CACHD1: variants seen among roughly 807,000 people sequenced by gnomAD.
CACHD1 encodes the protein cache domain containing 1, also known as VWFA and cache domain-containing protein 1.
In CACHD1, 71 loss-of-function variants were observed where a neutral mutation model predicts 138.7. The ratio of observed to expected loss-of-function variants is 0.51; its 90% confidence interval spans 0.42 to 0.62. CACHD1 has a LOEUF of 0.62. Ranked by LOEUF, CACHD1 falls within the 20% of genes least tolerant of loss-of-function variation. CACHD1 has a pLI of 0.00. For synonymous variants in CACHD1, 578 were observed against 591.5 expected, an observed-to-expected ratio of 0.98 and a Z score of 0.33; for missense variants, 1,389 against 1,625.3, an observed-to-expected ratio of 0.85 and a Z score of 2.50.
chr1:64,672,094 C>A (rs887851160), intron 17 of CACHD1, among the ~76,000 whole-genome samples: 9 of 152,136 alleles, frequency 5.9e-5, no homozygotes, highest in Non-Finnish European at 1.3e-4. Flanking sequence ...TTTTACATTT[C>A]CCCAGAAAGA....
chr1:64,590,767 T>A (rs761180326), intron 3 of CACHD1, among the ~76,000 whole-genome samples: 1 of 152,188 alleles, frequency 6.6e-6, no homozygotes, highest in Non-Finnish European at 1.5e-5. Context: ...TTTATTTTAT[T>A]TGCAGCTACT....
At chr1:64,604,580 C>G (rs775660308) in intron 4 of CACHD1, among the ~76,000 whole-genome samples, 29 of 152,234 alleles carry the variant, frequency 1.9e-4, no homozygotes, top group Non-Finnish European at 3.8e-4. Flanking sequence ...CAGATGTAAG[C>G]GTTCCAAAAA....
At position 64,673,140 on chromosome 1, in the gene CACHD1, T is replaced by C. The variant is rs372239071; in HGVS notation, c.2511-18T>C. On this transcript the variant is annotated intron_variant, in intron 17 of 26. Transcript: ENST00000651257. Reference sequence around the variant, plus strand: ...AAACAGCTGATATGAATGAGGGGCATAACTTGTTTTGGTACAGGTGCTTCA... The same window carrying C: ...AAACAGCTGATATGAATGAGGGGCACAACTTGTTTTGGTACAGGTGCTTCA... The C allele has an allele frequency of 3.8e-6, 6 of 1,564,510 alleles. No individual in the cohort carries two copies. Among genetic ancestry groups the C allele is most frequent in the Non-Finnish European group, 5.3e-6 (6 of 1,139,640 alleles).
chr1:64,653,708 C>T, intron 10 of CACHD1, 50 bp from the exon 11 acceptor site: 1 of 1,589,304 alleles, frequency 6.3e-7, no homozygotes, highest in Non-Finnish European at 8.6e-7. Context: ...TGATTCAGAA[C>T]TTCCTACAAC....
chr1:64,475,937 G>A (rs1646172521), intron 1 of CACHD1, among the ~76,000 whole-genome samples: 1 of 152,176 alleles, frequency 6.6e-6, no homozygotes, highest in South Asian at 2.1e-4. Flanking sequence ...GAGAGACATA[G>A]AGGCATTACA....
chr1:64,688,839 A>G (rs986591299), intron 26 of CACHD1, among the ~76,000 whole-genome samples: 5 of 150,872 alleles, frequency 3.3e-5, no homozygotes, highest in Non-Finnish European at 7.4e-5. Context: ...GTACCATTGC[A>G]TGTGCTTGGG....
chr1:64,487,744 A>T (rs1646251682), intron 1 of CACHD1, among the ~76,000 whole-genome samples: 1 of 152,214 alleles, frequency 6.6e-6, no homozygotes. Flanking sequence ...AGTGCCAGGA[A>T]CTGCTTAATT....
chr1:64,682,071 G>C lies in CACHD1; in HGVS notation c.3551G>C (p.Arg1184Pro), dbSNP rs371669378. Reference sequence around the variant, plus strand: ...GCACACAGTCCAGAAAGAAGGCGCCGCTACTGGGGTCGATCAGGAACAGAA... The same window carrying C: ...GCACACAGTCCAGAAAGAAGGCGCCCCTACTGGGGTCGATCAGGAACAGAA... ...RHAHSPERRR[R>P]YWGRSGTESD... is the part of the protein sequence containing the mutation. The change falls in exon 26 of 27, where the codon CGC becomes CCC. Residue 1184 changes from arginine to proline, a missense_variant. Transcript: ENST00000651257. The C allele has an allele frequency of 1.2e-6, 2 of 1,614,030 alleles. No homozygotes were observed. Among genetic ancestry groups the C allele is most frequent in the Non-Finnish European group, 1.7e-6 (2 of 1,179,988 alleles).
chr1:64,639,896 C>T (rs944548549), intron 7 of CACHD1, among the ~76,000 whole-genome samples: 4 of 152,200 alleles, frequency 2.6e-5, no homozygotes, highest in South Asian at 4.1e-4. Flanking sequence ...TTTCTTGAGA[C>T]GGCAGTCAGC....
chr1:64,583,361 T>A lies in CACHD1; in HGVS notation c.410+1057T>A, dbSNP rs1381501194. On this transcript the variant is annotated intron_variant, in intron 3 of 26. Coordinates refer to ENST00000651257, the MANE Select transcript of CACHD1 (RefSeq NM_020925.4). Reference sequence around the variant, plus strand: ...AAGCATATATAATTTGGAATGAGACTGTCTGGATAGGAATTCTACCCCTAA... The same window carrying A: ...AAGCATATATAATTTGGAATGAGACAGTCTGGATAGGAATTCTACCCCTAA... Among the ~76,000 whole-genome samples the A allele has an allele frequency of 2.0e-5, 3 of 152,212 alleles. No homozygotes were observed. The East Asian group carries it at 5.8e-4, about 29-fold the overall frequency.
rs764208512 is a variant in CACHD1, at chr1:64,663,743, A to C, written c.2000A>C (p.Glu667Ala). Residue 667 changes from glutamate to alanine, a missense_variant, in exon 14 of 27, where the codon GAG (glutamate) becomes GCG (alanine). This residue lies in a region of CACHD1 where 1,000 missense variants were observed against 1,114.7 expected (regional missense o/e 0.90). Transcript: ENST00000651257. ...GCTGGCAGCTTTTCCTCCCCCTATGAGCACCTCAGCCAGCCAGAGACAAAG... is the reference window on the plus strand; with the variant it reads ...GCTGGCAGCTTTTCCTCCCCCTATGCGCACCTCAGCCAGCCAGAGACAAAG... Reference protein sequence around the residue: ...LSAGSFSSPYEHLSQPETKRM... With the variant: ...LSAGSFSSPYAHLSQPETKRM... 6.2e-7 allele frequency: 1 copy of C among 1,613,914 alleles called. No individual in the cohort carries two copies. Among genetic ancestry groups the C allele is most frequent in the Admixed American group, 1.7e-5 (1 of 60,000 alleles).
chr1:64,511,579 C>G (rs1172151003), intron 1 of CACHD1, among the ~76,000 whole-genome samples: 1 of 152,190 alleles, frequency 6.6e-6, no homozygotes, highest in Admixed American at 6.5e-5. Context: ...TCATCTCTCT[C>G]TCCAACATCT....
intron 1 of CACHD1, among the ~76,000 whole-genome samples, chr1:64,500,734 A>AAAAAAAAAAAAAAAAAG (rs1646334067): frequency 3.8e-5 from 1 of 26,458 alleles, no homozygotes; most frequent in African/African-American, 8.4e-5. Flanking sequence ...AAAAAAAAAA[A>AAAAAAAAAAAAAAAAAG]AGAGAGAGAG....
At chr1:64,625,369 G>A (rs759996087) in intron 4 of CACHD1, among the ~76,000 whole-genome samples, 1 of 152,186 alleles carries the variant, frequency 6.6e-6, no homozygotes, top group Non-Finnish European at 1.5e-5. Context: ...GTTCACACCT[G>A]TAATCCCAGC....
intron 1 of CACHD1, among the ~76,000 whole-genome samples, chr1:64,501,044 T>C (rs1646336904): frequency 6.9e-6 from 1 of 144,786 alleles, no homozygotes; most frequent in African/African-American, 2.6e-5. Flanking sequence ...TGAGATTCTG[T>C]CTCAAAAAAA....
chr1:64,634,954 C>A (rs1648462457), intron 7 of CACHD1, among the ~76,000 whole-genome samples: 1 of 141,732 alleles, frequency 7.1e-6, no homozygotes, highest in South Asian at 2.3e-4. Flanking sequence ...CAAGATCATG[C>A]CACTGCACTC....
At chr1:64,527,066 G>A (rs987663236) in intron 1 of CACHD1, among the ~76,000 whole-genome samples, 5 of 152,172 alleles carry the variant, frequency 3.3e-5, no homozygotes, top group African/African-American at 1.2e-4. Context: ...AGAGAATATA[G>A]GGAGTTAAAG....
chr1:64,601,508 T>G lies in CACHD1; in HGVS notation c.411-1298T>G, dbSNP rs573457711. Among the ~76,000 whole-genome samples the G allele has an allele frequency of 2.0e-5, 3 of 152,354 alleles. No individual in the cohort carries two copies. In the South Asian group the frequency reaches 6.2e-4, roughly 32 times the overall value. ...TTGTCGGTGTAACTCTGCACTAGGT[T>G]AGAGCCTGGACTAACAGTAAAATCC... is the stretch of plus-strand genomic sequence containing the variant. On this transcript the variant is annotated intron_variant, in intron 3 of 26. Transcript: ENST00000651257.
In CACHD1 at chr1:64,692,951, G is replaced by T. The variant is rs1650610732; in HGVS notation, c.*1390G>T. 2 of 152,586 alleles carry T rather than the reference G, an allele frequency of 1.3e-5. No homozygotes were observed. Among genetic ancestry groups the T allele is most frequent in the South Asian group, 4.1e-4 (2 of 4,822 alleles). The allele number at this position is 152,586 out of a possible 1,614,324, so 9.5% of individuals were successfully genotyped here. ...TATGATACAATGTAAAAAACAATTG[G>T]TTCTTCAGCAGTACAGAAAGTAAAC... On this transcript the variant is annotated 3_prime_UTR_variant, in exon 27 of 27. Transcript: ENST00000651257.
Sources: allele counts gnomAD v4.1 joint callset (sites outside exome capture counted in the v4.1 genomes callset), GRCh38; gene constraint gnomAD v4.1.1; regional missense constraint gnomAD v4.1.1; transcripts MANE v1.5; gene names NCBI Gene and HGNC (gene_info 2026-07-23, HGNC 2026-07-21).